The following ZNF57 variants were observed in gnomAD, a reference collection of about 807,000 sequenced individuals.
ZNF57 encodes the protein zinc finger protein 424.
A neutral mutation model predicts 13.4 loss-of-function variants in ZNF57; 11 were observed. That is an observed-to-expected ratio of 0.82 (90% CI 0.52 to 1.36). The LOEUF (loss-of-function observed/expected upper bound fraction) is 1.36. ZNF57 is among the 40% of genes most tolerant of loss of function. The probability of loss-of-function intolerance (pLI) is 0.00; values close to 1 mark genes in which losing one functional copy is unlikely to be tolerated. For missense variants in ZNF57, 696 were observed against 667.5 expected, an observed-to-expected ratio of 1.04 and a Z score of -0.47; for synonymous variants, 224 against 238.5, an observed-to-expected ratio of 0.94 and a Z score of 0.56.
chr19:2,904,778 G>A (rs990260328), intron 1 of ZNF57, among the ~76,000 whole-genome samples: 2 of 152,136 alleles, frequency 1.3e-5, no homozygotes, highest in Admixed American at 6.6e-5. Flanking sequence ...TTGGCCTCAA[G>A]TGATCTACCT....
chr19:2,911,296 C>T (rs2088132930), intron 1 of ZNF57, among the ~76,000 whole-genome samples: 1 of 151,926 alleles, frequency 6.6e-6, no homozygotes, highest in Non-Finnish European at 1.5e-5. Context: ...TCTGGGAGGC[C>T]GAGGTGGGTG....
Position 2,905,415 on chromosome 19 carries a change from C to A in ZNF57, c.3+4367C>A, listed in dbSNP as rs539984856. 4.9e-4 allele frequency among the ~76,000 whole-genome samples: 35 copies of A among 71,916 alleles called. 7 individuals are homozygous for A. The highest frequency in any genetic ancestry group is 3.6e-3 in the East Asian group (14 of 3,934). 47.2% of individuals were successfully genotyped at this position (71,916 alleles called of 152,430 possible). A position where few individuals can be genotyped will look rare whatever the true frequency, so the allele number is the denominator to read the frequency against. On this transcript the variant is annotated intron_variant, in intron 1 of 3. Transcript: ENST00000306908. ...CTTGACTTCAGGTGATCGCCCCCCCCCCCTCGGCATTCCAAAGTATTTGCA... is the reference window on the plus strand; with the variant it reads ...CTTGACTTCAGGTGATCGCCCCCCCACCCTCGGCATTCCAAAGTATTTGCA...
At chr19:2,910,999 A>C (rs955229578) in intron 1 of ZNF57, among the ~76,000 whole-genome samples, 1 of 150,582 alleles carries the variant, frequency 6.6e-6, no homozygotes, top group African/African-American at 2.4e-5. Context: ...GTGTGATTCC[A>C]TTTTTTCTCC....
At position 2,902,400 on chromosome 19, in the gene ZNF57, G is replaced by A. The variant is rs142151446; in HGVS notation, c.3+1352G>A. Among the ~76,000 whole-genome samples the A allele has an allele frequency of 4.3e-3, 660 of 152,174 alleles. 13 individuals carry two copies. The highest frequency in any genetic ancestry group is 4.0e-3 in the Non-Finnish European group (273 of 68,014). The stretch of plus-strand genomic sequence containing the variant: ...AAGTGTGTTTTCTGCCTTCTGGTCC[G>A]TCAGGATAACACCTGTTTATCGTGG... On this transcript the variant is annotated intron_variant, in intron 1 of 3. Coordinates refer to ENST00000306908, the MANE Select transcript of ZNF57 (RefSeq NM_173480.3).
rs1883419138 is a variant in ZNF57 at position 2,910,550 on chromosome 19, T to C, written c.4-4972T>C. On this transcript the variant is annotated intron_variant, in intron 1 of 3. Transcript: ENST00000306908. ...ATCTCTGCTCACTGCAAGCGCCGCC[T>C]CCTGGGTTCACGCCATTCTCCTGCC... 3.2e-5 allele frequency among the ~76,000 whole-genome samples: 3 copies of C among 93,710 alleles called. 1 individual carries two copies. The South Asian group carries it at 1.4e-3, about 43-fold the overall frequency. The allele number at this position is 93,710 out of a possible 152,430, so 61.5% of individuals were successfully genotyped here. A position where few individuals can be genotyped will look rare whatever the true frequency, so the allele number is the denominator to read the frequency against.
intron 3 of ZNF57, 22 bp downstream of exon 3, chr19:2,916,271 A>G: frequency 6.4e-7 from 1 of 1,574,244 alleles, no homozygotes; most frequent in African/African-American, 1.4e-5. Context: ...TCACAAGAGA[A>G]AAATCCTTGT....
At chr19:2,901,694 T>C (rs999964847) in intron 1 of ZNF57, among the ~76,000 whole-genome samples, 16 of 151,902 alleles carry the variant, frequency 1.1e-4, no homozygotes, top group African/African-American at 3.6e-4. Context: ...CTAATTTTTG[T>C]TTTTAGTAGA....
chr19:2,913,936 C>A (rs934231520), intron 1 of ZNF57, among the ~76,000 whole-genome samples: 1 of 152,136 alleles, frequency 6.6e-6, no homozygotes, highest in Non-Finnish European at 1.5e-5. Flanking sequence ...CCACCGCGCC[C>A]GGCCAATATT....
chr19:2,907,307 G>A (rs2088084717), intron 1 of ZNF57: 1 of 152,146 alleles, frequency 6.6e-6, no homozygotes, highest in Non-Finnish European at 1.5e-5. Context: ...AAGTGGTGGG[G>A]ACTTGAGTCT....
intron 1 of ZNF57, among the ~76,000 whole-genome samples, chr19:2,903,642 AT>A (rs993149980): frequency 4.7e-5 from 7 of 149,452 alleles, no homozygotes; most frequent in African/African-American, 7.4e-5. Context: ...CACTGTCCTG[AT>A]TTTTTTTTTC....
At chr19:2,906,368 T>G (rs920781981) in intron 1 of ZNF57, among the ~76,000 whole-genome samples, 1 of 152,228 alleles carries the variant, frequency 6.6e-6, no homozygotes, top group African/African-American at 2.4e-5. Flanking sequence ...GTGTGAATTT[T>G]AAAAGGCTAA....
intron 1 of ZNF57, chr19:2,912,053 C>T (rs920960037): frequency 1.3e-5 from 2 of 152,208 alleles, no homozygotes; most frequent in African/African-American, 4.8e-5. Flanking sequence ...GTGAAAGGCA[C>T]TGAAGTAAAT....
intron 1 of ZNF57, among the ~76,000 whole-genome samples, chr19:2,908,817 C>T (rs779416271): frequency 2.0e-5 from 3 of 152,090 alleles, no homozygotes; most frequent in Admixed American, 1.3e-4. Context: ...CCTATTGCCC[C>T]GGAGCCCCTC....
chr19:2,914,353 C>A (rs1181359879), intron 1 of ZNF57, among the ~76,000 whole-genome samples: 1 of 152,162 alleles, frequency 6.6e-6, no homozygotes, highest in East Asian at 1.9e-4. Context: ...CTCCTGGGTT[C>A]AAGTGATTCT....
At position 2,917,859 on chromosome 19, in the gene ZNF57, C is replaced by T. The variant is rs148390269; in HGVS notation, c.1238C>T (p.Thr413Met). 2.2e-4 allele frequency: 350 copies of T among 1,606,738 alleles called. No homozygotes were observed. The highest frequency in any genetic ancestry group is 2.6e-4 in the Non-Finnish European group (307 of 1,177,660). Residue 413 changes from threonine (T) to methionine (M), a missense_variant, in exon 4 of 4, where the codon ACG becomes ATG. Thr to Met is a moderately conservative substitution (Grantham distance 81, BLOSUM62 -1). This residue lies in a region of ZNF57 where 645 missense variants were observed against 591.5 expected (regional missense o/e 1.09). Transcript: ENST00000306908. The stretch of plus-strand genomic sequence containing the variant: ...AGATCATTCCGAGGTCATTTGAGGA[C>T]GCACACTGGAGAGAAGCCTTATGAG... ...SSRSFRGHLR[T>M]HTGEKPYECK... is the part of the protein sequence containing the mutation.
chr19:2,909,430 G>A (rs1185591542), intron 1 of ZNF57, among the ~76,000 whole-genome samples: 3 of 53,286 alleles, frequency 5.6e-5, no homozygotes, highest in South Asian at 5.5e-4. Flanking sequence ...ACAGGCGCCC[G>A]ACACCACGCC....
intron 1 of ZNF57, 78 bp from the exon 2 acceptor site, chr19:2,915,444 G>A (rs2088182118): frequency 1.3e-6 from 2 of 1,555,236 alleles, no homozygotes; most frequent in East Asian, 2.3e-5. Flanking sequence ...AATCTTGTTT[G>A]AATTTATGAA....
chr19:2,903,246 G>C (rs905096047), intron 1 of ZNF57, among the ~76,000 whole-genome samples: 4 of 152,088 alleles, frequency 2.6e-5, no homozygotes, highest in African/African-American at 9.7e-5. Context: ...TGGAGACACT[G>C]TGTCTCCCAG....
chr19:2,918,472 A>AATAATTCTCTAAGTCCTCTTTCAGCTAT, exon 4 of ZNF57: 1 of 650,564 alleles, frequency 1.5e-6, no homozygotes, highest in Non-Finnish European at 2.5e-6. Context: ...TATGTGAGAA[A>AATAATTCTCTAAGTCCTCTTTCAGCTAT]ATAATTCTCT....
Sources: allele counts gnomAD v4.1 joint callset (sites outside exome capture counted in the v4.1 genomes callset), GRCh38; gene constraint gnomAD v4.1.1; regional missense constraint gnomAD v4.1.1; transcripts MANE v1.5; gene names NCBI Gene and HGNC (gene_info 2026-07-23, HGNC 2026-07-21).